The following GRAMD2B variants were observed in gnomAD, a reference collection of about 807,000 sequenced individuals.
GRAMD2B encodes the protein GRAM domain-containing protein 2B.
A neutral mutation model predicts 59.2 loss-of-function variants in GRAMD2B; 41 were observed. The ratio of observed to expected loss-of-function variants is 0.69; its 90% confidence interval spans 0.54 to 0.90. The LOEUF (loss-of-function observed/expected upper bound fraction) is 0.90, where lower values mean the gene tolerates loss of function less well. Ranked by LOEUF, GRAMD2B falls within the 40% of genes least tolerant of loss-of-function variation. GRAMD2B has a pLI of 0.00. For missense variants in GRAMD2B, 424 were observed against 500.5 expected, an observed-to-expected ratio of 0.85 and a Z score of 1.46; for synonymous variants, 161 against 182.7, an observed-to-expected ratio of 0.88 and a Z score of 0.96.
At chr5:126,420,054 C>CA (rs386404926), upstream of GRAMD2B, among the ~76,000 whole-genome samples, 15,990 of 103,660 alleles carry the variant, frequency 0.15, 1,682 homozygotes, top group South Asian at 0.42. Flanking sequence ...GACTCTTTCT[C>CA]AAAAAAAAAA....
At chr5:126,398,101 G>A (rs1019468823) in intron 1 of GRAMD2B, among the ~76,000 whole-genome samples, 1 of 142,664 alleles carries the variant, frequency 7.0e-6, no homozygotes, top group South Asian at 2.2e-4. Context: ...ATAGCTCACT[G>A]CAGCGTCAAC....
At chr5:126,420,395 G>A (rs763588894), upstream of GRAMD2B, among the ~76,000 whole-genome samples, 31 of 152,196 alleles carry the variant, frequency 2.0e-4, no homozygotes, top group East Asian at 3.9e-4. Flanking sequence ...CCTTTTAAAC[G>A]TAAGCAAACA....
intron 1 of GRAMD2B, among the ~76,000 whole-genome samples, chr5:126,390,127 G>A (rs1014420349): frequency 6.6e-6 from 1 of 152,126 alleles, no homozygotes; most frequent in African/African-American, 2.4e-5. Flanking sequence ...ACTGGAAGGT[G>A]CCTCCTCATT....
At chr5:126,397,964 A>G (rs1481454807) in intron 1 of GRAMD2B, among the ~76,000 whole-genome samples, 1 of 151,326 alleles carries the variant, frequency 6.6e-6, no homozygotes, top group Non-Finnish European at 1.5e-5. Flanking sequence ...TTGAGTGTTC[A>G]GTAGAATTAC....
chr5:126,363,150 G>A (rs576824024), intron 1 of GRAMD2B, among the ~76,000 whole-genome samples: 31 of 152,174 alleles, frequency 2.0e-4, no homozygotes, highest in South Asian at 4.2e-4. Flanking sequence ...ATTTTAAAAC[G>A]GGGCAAAGGA....
At chr5:126,451,749 G>T (rs187177302) in intron 1 of GRAMD2B, among the ~76,000 whole-genome samples, 28 of 152,308 alleles carry the variant, frequency 1.8e-4, no homozygotes, top group Admixed American at 1.3e-3. Flanking sequence ...TCATGTTCCA[G>T]TGTGATTCCC....
intron 1 of GRAMD2B, among the ~76,000 whole-genome samples, chr5:126,386,339 T>TC (rs532358537): frequency 3.2e-4 from 49 of 152,286 alleles, no homozygotes; most frequent in African/African-American, 1.1e-3. Flanking sequence ...GAACATGAAA[T>TC]CCCCAAGGAA....
intron 1 of GRAMD2B, among the ~76,000 whole-genome samples, chr5:126,413,266 T>C (rs1241720772): frequency 2.6e-5 from 4 of 152,148 alleles, no homozygotes; most frequent in Non-Finnish European, 5.9e-5. Context: ...CTTTTAACAT[T>C]GCTTTTGCTG....
chr5:126,376,963 T>C (rs1205469571), intron 1 of GRAMD2B, among the ~76,000 whole-genome samples: 2 of 151,622 alleles, frequency 1.3e-5, no homozygotes, highest in African/African-American at 4.9e-5. Flanking sequence ...GAGGAGGTTG[T>C]CAGAGGACTA....
intron 1 of GRAMD2B, among the ~76,000 whole-genome samples, chr5:126,424,778 C>T (rs1007197026): frequency 6.6e-6 from 1 of 152,198 alleles, no homozygotes; most frequent in Admixed American, 6.5e-5. Flanking sequence ...AGGGAGTGTG[C>T]TCAATACTTT....
chr5:126,484,548 G>A (rs1362152446), intron 10 of GRAMD2B, 24 bp downstream of exon 10: 2 of 1,594,444 alleles, frequency 1.3e-6, no homozygotes, highest in Admixed American at 1.8e-5. Context: ...GTCTCAGGGG[G>A]GTGGGTTTAG....
upstream of GRAMD2B, among the ~76,000 whole-genome samples, chr5:126,368,451 C>A (rs1194546685): frequency 6.6e-6 from 1 of 152,220 alleles, no homozygotes; most frequent in East Asian, 1.9e-4. Context: ...AACATAAAGT[C>A]CAGCTATAAC....
chr5:126,455,526 A>T (rs1041130555), intron 1 of GRAMD2B, among the ~76,000 whole-genome samples: 2 of 152,026 alleles, frequency 1.3e-5, no homozygotes, highest in Non-Finnish European at 2.9e-5. Context: ...ACCTTATGGC[A>T]TCTCTGACTC....
chr5:126,379,857 T>C (rs769075907), intron 1 of GRAMD2B, among the ~76,000 whole-genome samples: 21 of 152,228 alleles, frequency 1.4e-4, no homozygotes, highest in Admixed American at 4.6e-4. Context: ...CTCTGTGGGT[T>C]GTCTGTTTAC....
At chr5:126,380,036 T>G (rs1289671940) in intron 1 of GRAMD2B, among the ~76,000 whole-genome samples, 1 of 152,214 alleles carries the variant, frequency 6.6e-6, no homozygotes, top group African/African-American at 2.4e-5. Flanking sequence ...TTTTTATGGT[T>G]TCAGGTCTTA....
chr5:126,383,653 G>A (rs917014261), intron 1 of GRAMD2B, among the ~76,000 whole-genome samples: 5 of 152,030 alleles, frequency 3.3e-5, no homozygotes, highest in South Asian at 2.1e-4. Context: ...AAAACTATGC[G>A]AACAAATTAG....
At chr5:126,388,470 T>C (rs772668900) in intron 1 of GRAMD2B, among the ~76,000 whole-genome samples, 1 of 152,036 alleles carries the variant, frequency 6.6e-6, no homozygotes, top group Non-Finnish European at 1.5e-5. Context: ...TGCCAGTAAG[T>C]GAGATGTTAT....
intron 1 of GRAMD2B, among the ~76,000 whole-genome samples, chr5:126,377,380 C>T (rs1055437179): frequency 6.6e-6 from 1 of 151,950 alleles, no homozygotes; most frequent in African/African-American, 2.4e-5. Context: ...AAGTTTCTAC[C>T]CTCACTTATA....
intron 1 of GRAMD2B, 154 bp from the exon 2 acceptor site, chr5:126,465,272 A>C: frequency 6.8e-7 from 1 of 1,477,046 alleles, no homozygotes; most frequent in South Asian, 1.4e-5. Context: ...GTTAGAATGG[A>C]GATTGGGAAA....
Sources: allele counts gnomAD v4.1 joint callset (sites outside exome capture counted in the v4.1 genomes callset), GRCh38; gene constraint gnomAD v4.1.1; transcripts MANE v1.5; gene names NCBI Gene and HGNC (gene_info 2026-07-23, HGNC 2026-07-21).